Variants in FOXJ3 observed in about 807,000 individuals in gnomAD.
FOXJ3 encodes forkhead box J3.
In FOXJ3, 22 loss-of-function variants were observed where a neutral mutation model predicts 76.1. That is an observed-to-expected ratio of 0.29 (90% confidence interval 0.21 to 0.41). FOXJ3 has a LOEUF of 0.41. Ranked by LOEUF, FOXJ3 falls within the 10% of genes least tolerant of loss-of-function variation. FOXJ3 has a pLI of 1.00. For synonymous variants in FOXJ3, 269 were observed against 261.2 expected (o/e 1.03, Z -0.29); for missense variants, 613 against 762.1 (o/e 0.80, Z 2.30).
At chr1:42,294,279 CAG>C (rs1653632051) in intron 2 of FOXJ3, among the ~76,000 whole-genome samples, 1 of 152,192 alleles carries the variant, frequency 6.6e-6, no homozygotes, top group African/African-American at 2.4e-5. Flanking sequence ...TGCCCTTTCT[CAG>C]AGGTGTCTCC....
intron 11 of FOXJ3, among the ~76,000 whole-genome samples, chr1:42,186,236 C>A (rs983419969): frequency 6.6e-6 from 1 of 151,862 alleles, no homozygotes; most frequent in African/African-American, 2.4e-5. Flanking sequence ...GCAGGCTGGA[C>A]ACGTAAAAAA....
chr1:42,198,981 T>C (rs1557630372), intron 7 of FOXJ3, 121 bp downstream of exon 7: 6 of 736,772 alleles, frequency 8.1e-6, no homozygotes, highest in Non-Finnish European at 1.1e-5. Flanking sequence ...CTTACTAAGT[T>C]AATAAATTTA....
intron 2 of FOXJ3, among the ~76,000 whole-genome samples, chr1:42,281,952 G>C (rs1652748033): frequency 6.6e-6 from 1 of 152,026 alleles, no homozygotes; most frequent in African/African-American, 2.4e-5. Context: ...CCAGCTACTT[G>C]GGAGGCTGAG....
At chr1:42,191,896 A>G (rs1240907853) in intron 8 of FOXJ3, among the ~76,000 whole-genome samples, 177 bp from the exon 9 acceptor site, 1 of 152,252 alleles carries the variant, frequency 6.6e-6, no homozygotes, top group Non-Finnish European at 1.5e-5. Flanking sequence ...GAGAAGAAAT[A>G]TAATGCCCCA....
In FOXJ3 at chr1:42,227,962, G is replaced by A; in HGVS notation, c.449C>T (p.Ser150Phe). 1 of 1,535,390 alleles carries A rather than the reference G, an allele frequency of 6.5e-7. No individual in the cohort carries two copies. The highest frequency in any genetic ancestry group is 1.4e-5 in the African/African-American group (1 of 73,904). Residue 150 changes from serine to phenylalanine, a missense_variant, in exon 5 of 13, where the codon TCC becomes TTC. This residue lies in a region of FOXJ3 where 526 missense variants were observed against 601.4 expected (regional missense o/e 0.87). Coordinates refer to ENST00000361346, the MANE Select transcript of FOXJ3 (RefSeq NM_014947.5). ...CGGATTGGTGTCTATTGCCCAGTAG[G>A]ACCCCTAGAGGTAAAGAAATTATAT... is the stretch of plus-strand genomic sequence containing the variant. ...PRSKDDPGKG[S>F]YWAIDTNPKE...
At chr1:42,230,352 A>C (rs1647976656) in intron 4 of FOXJ3, among the ~76,000 whole-genome samples, 1 of 152,162 alleles carries the variant, frequency 6.6e-6, no homozygotes, top group Non-Finnish European at 1.5e-5. Flanking sequence ...AGAAAATAGC[A>C]GGTACAGGCT....
intron 3 of FOXJ3, among the ~76,000 whole-genome samples, chr1:42,269,228 A>T (rs1225810336): frequency 6.6e-6 from 1 of 152,184 alleles, no homozygotes; most frequent in African/African-American, 2.4e-5. Context: ...CACAATTCAA[A>T]TCTAAAATAA....
chr1:42,298,363 T>C (rs1307624246), intron 2 of FOXJ3, among the ~76,000 whole-genome samples: 1 of 152,224 alleles, frequency 6.6e-6, no homozygotes, highest in Non-Finnish European at 1.5e-5. Flanking sequence ...TATTGGTCTG[T>C]TCAGGATTCA....
chr1:42,316,808 T>C (rs1655141019), intron 1 of FOXJ3, among the ~76,000 whole-genome samples: 1 of 152,090 alleles, frequency 6.6e-6, no homozygotes, highest in South Asian at 2.1e-4. Context: ...TTCTCATAAG[T>C]GGGAGCTAAG....
intron 5 of FOXJ3, among the ~76,000 whole-genome samples, chr1:42,225,864 G>A (rs1343118133): frequency 6.6e-6 from 1 of 152,052 alleles, no homozygotes; most frequent in South Asian, 2.1e-4. Context: ...AAAAAAGGAA[G>A]ACTCTCAAAA....
At chr1:42,198,630 T>C (rs987886661) in intron 7 of FOXJ3, among the ~76,000 whole-genome samples, 2 of 152,182 alleles carry the variant, frequency 1.3e-5, no homozygotes, top group Admixed American at 6.5e-5. Context: ...GCATGGCTTT[T>C]CCCCCCGTGG....
At chr1:42,291,913 T>C (rs186806498) in intron 2 of FOXJ3, among the ~76,000 whole-genome samples, 46 of 152,004 alleles carry the variant, frequency 3.0e-4, no homozygotes, top group African/African-American at 9.9e-4. Context: ...AAATAAAATA[T>C]AGCAAAGATT....
intron 5 of FOXJ3, among the ~76,000 whole-genome samples, chr1:42,215,559 A>G (rs1303259571): frequency 1.3e-5 from 2 of 152,146 alleles, no homozygotes; most frequent in African/African-American, 4.8e-5. Flanking sequence ...AGAAATAATG[A>G]CTAAAATCTT....
At chr1:42,205,594 G>C (rs1194145438) in intron 6 of FOXJ3, among the ~76,000 whole-genome samples, 168 bp downstream of exon 6, 2 of 152,100 alleles carry the variant, frequency 1.3e-5, no homozygotes, top group African/African-American at 4.8e-5. Context: ...GTTCTAATTT[G>C]TGCATACCTC....
At chr1:42,203,856 C>T (rs921712146) in intron 6 of FOXJ3, among the ~76,000 whole-genome samples, 17 of 151,818 alleles carry the variant, frequency 1.1e-4, no homozygotes, top group African/African-American at 3.9e-4. Context: ...ATTAGCCAGG[C>T]GCAGTGGTGG....
intron 4 of FOXJ3, among the ~76,000 whole-genome samples, chr1:42,252,658 C>A (rs1251762515): frequency 6.7e-6 from 1 of 150,330 alleles, no homozygotes; most frequent in Non-Finnish European, 1.5e-5. Context: ...TTATTTCTTG[C>A]CTTCTGCTAG....
At chr1:42,326,182 T>C (rs762507778) in intron 1 of FOXJ3, among the ~76,000 whole-genome samples, 2 of 152,022 alleles carry the variant, frequency 1.3e-5, no homozygotes, top group Non-Finnish European at 2.9e-5. Flanking sequence ...ACCCAGGAGG[T>C]TGAGGTTGCA....
rs1183461840 is a variant in FOXJ3, at chr1:42,191,583, G to A, written c.1071C>T (p.Leu357=). 3.7e-6 allele frequency: 6 copies of A among 1,614,042 alleles called. No individual in the cohort carries two copies. Among genetic ancestry groups the A allele is most frequent in the Non-Finnish European group, 5.1e-6 (6 of 1,180,032 alleles). ...SSLSNSHGSG[L]NTTGSNSVAQ... ...CAACCGAATTACTGCCTGTGGTGTTGAGGCCACTGCCATGACTGTTGGACA... is the reference window on the plus strand; with the variant it reads ...CAACCGAATTACTGCCTGTGGTGTTAAGGCCACTGCCATGACTGTTGGACA... Residue 357 remains leucine, a synonymous_variant, in exon 9 of 13, where the codon CTC becomes CTT. Transcript: ENST00000361346.
intron 4 of FOXJ3, among the ~76,000 whole-genome samples, chr1:42,262,736 C>A (rs1651144746): frequency 6.6e-6 from 1 of 152,120 alleles, no homozygotes; most frequent in Non-Finnish European, 1.5e-5. Context: ...GTAGTCCCAG[C>A]TACTCAGGAG....
Sources: allele counts gnomAD v4.1 joint callset (sites outside exome capture counted in the v4.1 genomes callset), GRCh38; gene constraint gnomAD v4.1.1; regional missense constraint gnomAD v4.1.1; transcripts MANE v1.5; gene names NCBI Gene and HGNC (gene_info 2026-07-23, HGNC 2026-07-21).